The following RFX2 variants were observed in gnomAD, a reference collection of about 807,000 sequenced individuals.
The protein encoded by RFX2 is DNA-binding protein RFX2.
A neutral mutation model predicts 87.8 loss-of-function variants in RFX2; 20 were observed. That is an observed-to-expected ratio of 0.23 (90% CI 0.16 to 0.33). The LOEUF (loss-of-function observed/expected upper bound fraction) is 0.33. Ranked by LOEUF, RFX2 falls within the 10% of genes least tolerant of loss-of-function variation. The pLI is 1.00. For missense variants in RFX2, 767 were observed against 1,012.3 expected (o/e 0.76, Z 3.29); for synonymous variants, 397 against 431.3 (o/e 0.92, Z 0.98).
intron 1 of RFX2, among the ~76,000 whole-genome samples, chr19:6,079,232 G>A (rs2087741992): frequency 6.6e-6 from 1 of 152,230 alleles, no homozygotes; most frequent in African/African-American, 2.4e-5. Flanking sequence ...TTGGTCTAGA[G>A]TATGCTGTCG....
rs1473693468 is a variant in RFX2, at chr19:6,048,291, ATTTC to A, written c.-8-791_-8-788del. 2.0e-5 allele frequency among the ~76,000 whole-genome samples: 3 copies of A among 152,232 alleles called. No individual in the cohort carries two copies. The East Asian group carries it at 5.8e-4, about 29-fold the overall frequency. ...TGCCCACAAGAAAGTATAAACATAT[ATTTC>A]TTTGCTGTCAGAGGCATACATCTTT... On this transcript the variant is annotated intron_variant, in intron 1 of 17. Transcript: ENST00000303657.
intron 1 of RFX2, among the ~76,000 whole-genome samples, chr19:6,088,771 C>T (rs563007039): frequency 3.9e-5 from 6 of 152,220 alleles, no homozygotes; most frequent in Non-Finnish European, 8.8e-5. Flanking sequence ...AAGTAATGTG[C>T]GTTAGACCAG....
chr19:6,034,020 CA>C (rs2086987033), intron 5 of RFX2, among the ~76,000 whole-genome samples: 1 of 152,150 alleles, frequency 6.6e-6, no homozygotes, highest in Admixed American at 6.5e-5. Context: ...CTCTGCTATG[CA>C]GGGGCTGAGC....
rs1272090222 is a variant in RFX2, at chr19:6,004,516, G to A, written c.1403-218C>T. ...ACCCACTGCCTATGCGGGTCTCACA[G>A]GGGCGATTCTGCCCCAGGGGACACT... On this transcript the variant is annotated intron_variant, in intron 12 of 17. Coordinates refer to ENST00000303657, the MANE Select transcript of RFX2 (RefSeq NM_000635.4). This position sits in a 1 kb window ranked among gnomAD's most constrained non-coding sequence, Gnocchi z 4.8. 6.6e-6 allele frequency among the ~76,000 whole-genome samples: 1 copy of A among 152,372 alleles called. No homozygotes were observed. The highest frequency in any genetic ancestry group is 1.9e-4 in the East Asian group (1 of 5,190).
intron 1 of RFX2, among the ~76,000 whole-genome samples, chr19:6,051,370 C>T (rs1214521613): frequency 1.3e-5 from 2 of 152,066 alleles, no homozygotes; most frequent in Non-Finnish European, 2.9e-5. Flanking sequence ...TTCTCCATGA[C>T]AGTTGTAACA....
rs936862872 is a variant in RFX2 at position 6,023,509 on chromosome 19, G to T, written c.597+2654C>A. ...CTAAGTTTATTCTGCCCGTGTGTGTGGTGAACTTTTTAGAAAGATCTTATT... is the reference window on the plus strand; with the variant it reads ...CTAAGTTTATTCTGCCCGTGTGTGTTGTGAACTTTTTAGAAAGATCTTATT... On this transcript the variant is annotated intron_variant, in intron 6 of 17. Transcript: ENST00000303657. This position sits in a 1 kb window ranked among gnomAD's most constrained non-coding sequence, Gnocchi z 4.9. Among the ~76,000 whole-genome samples the T allele has an allele frequency of 3.9e-5, 6 of 152,192 alleles. No homozygotes were observed. The highest frequency in any genetic ancestry group is 1.2e-4 in the African/African-American group (5 of 41,436).
At chr19:6,043,020 G>A (rs1197233814) in intron 3 of RFX2, among the ~76,000 whole-genome samples, 3 of 152,188 alleles carry the variant, frequency 2.0e-5, no homozygotes, top group Non-Finnish European at 2.9e-5. Flanking sequence ...GCCCCTCCTT[G>A]GACCACTGAG....
Position 6,040,278 on chromosome 19 carries a change from C to T in RFX2, c.261-37G>A, listed in dbSNP as rs372087624. On this transcript the variant is annotated intron_variant, in intron 4 of 17. Transcript: ENST00000303657. The surrounding 1 kb of genome is among the most constrained non-coding windows in gnomAD (Gnocchi z 6.1). Reference sequence around the variant, plus strand: ...AGAGAAGTCACGCATGGGACGCTGTCCCATTTAAATGCCTTGTCTGAGTTC... The same window carrying T: ...AGAGAAGTCACGCATGGGACGCTGTTCCATTTAAATGCCTTGTCTGAGTTC... 214 of 1,492,692 alleles carry T rather than the reference C, an allele frequency of 1.4e-4. No individual in the cohort carries two copies. The highest frequency in any genetic ancestry group is 1.9e-4 in the Non-Finnish European group (208 of 1,116,588). The allele number at this position is 1,492,692 out of a possible 1,614,324, so 92.5% of individuals were successfully genotyped here. A position where few individuals can be genotyped will look rare whatever the true frequency, so the allele number is the denominator to read the frequency against.
chr19:6,007,193 C>A lies in RFX2; in HGVS notation c.1248-27G>T. The A allele has an allele frequency of 1.2e-6, 2 of 1,606,966 alleles. No individual in the cohort carries two copies. Among genetic ancestry groups the A allele is most frequent in the Non-Finnish European group, 1.7e-6 (2 of 1,176,086 alleles). ...TGTGGAGGGAGGGGGGACAGGTGAG[C>A]TGTGGCCTGGCCCAGGTGGGCTCAC... On this transcript the variant is annotated intron_variant, in intron 11 of 17. Transcript: ENST00000303657. This position sits in a 1 kb window ranked among gnomAD's most constrained non-coding sequence, Gnocchi z 8.2.
At chr19:6,071,539 C>G (rs1042869364) in intron 1 of RFX2, among the ~76,000 whole-genome samples, 1 of 152,134 alleles carries the variant, frequency 6.6e-6, no homozygotes. Context: ...TTATTCCATC[C>G]GTCATCTCTT....
In RFX2 at chr19:6,022,164, G is replaced by A. The variant is rs1052980055; in HGVS notation, c.597+3999C>T. ...AGGCGCAGGGGTTGTTGAGGGTGGAGGCCACGCACTGAGCTAAGACACTAA... is the reference window on the plus strand; with the variant it reads ...AGGCGCAGGGGTTGTTGAGGGTGGAAGCCACGCACTGAGCTAAGACACTAA... On this transcript the variant is annotated intron_variant, in intron 6 of 17. Transcript: ENST00000303657. The surrounding 1 kb of genome is among the most constrained non-coding windows in gnomAD (Gnocchi z 6.2). 6.6e-6 allele frequency among the ~76,000 whole-genome samples: 1 copy of A among 152,096 alleles called. No individual in the cohort carries two copies. The highest frequency in any genetic ancestry group is 2.4e-5 in the African/African-American group (1 of 41,402).
chr19:6,026,763 C>T lies in RFX2; in HGVS notation c.523-526G>A. The stretch of plus-strand genomic sequence containing the variant: ...TAGCAGCGAGGCCAAAGACTCAGAC[C>T]CTGCCACCAGGAGGCCGTAGGATCC... On this transcript the variant is annotated intron_variant, in intron 5 of 17. Coordinates refer to ENST00000303657, the MANE Select transcript of RFX2 (RefSeq NM_000635.4). The surrounding 1 kb of genome is among the most constrained non-coding windows in gnomAD (Gnocchi z 4.5). The T allele has an allele frequency of 1.2e-5, 2 of 161,586 alleles. No homozygotes were observed. Among genetic ancestry groups the T allele is most frequent in the South Asian group, 3.3e-4 (2 of 5,980 alleles). 10.0% of individuals were successfully genotyped at this position (161,586 alleles called of 1,614,324 possible).
At chr19:6,076,588 G>T (rs1218213045) in intron 1 of RFX2, among the ~76,000 whole-genome samples, 1 of 152,176 alleles carries the variant, frequency 6.6e-6, no homozygotes, top group Non-Finnish European at 1.5e-5. Flanking sequence ...TTGGGTGGTT[G>T]TGTTAAATGA....
chr19:6,002,210 C>A lies in RFX2; in HGVS notation c.1651-187G>T, dbSNP rs542100110. Among the ~76,000 whole-genome samples, 10 of 152,374 alleles carry A rather than the reference C, an allele frequency of 6.6e-5. No individual in the cohort carries two copies. Among genetic ancestry groups the A allele is most frequent in the Admixed American group, 1.3e-4 (2 of 15,310 alleles). ...GGCAGAATAGAGAGCTGAGGGGGAT[C>A]GTACCCGGCTTCCGGGGACTCATAC... On this transcript the variant is annotated intron_variant, in intron 14 of 17. Transcript: ENST00000303657. This position sits in a 1 kb window ranked among gnomAD's most constrained non-coding sequence, Gnocchi z 6.7.
chr19:6,076,659 A>G (rs1427517422), intron 1 of RFX2, among the ~76,000 whole-genome samples: 1 of 152,204 alleles, frequency 6.6e-6, no homozygotes, highest in African/African-American at 2.4e-5. Context: ...ATGCCCATAA[A>G]TGTTCATTAG....
intron 1 of RFX2, among the ~76,000 whole-genome samples, chr19:6,090,205 T>G: frequency 6.6e-6 from 1 of 151,964 alleles, no homozygotes; most frequent in South Asian, 2.1e-4. Flanking sequence ...TGAGCTCAAG[T>G]GATCTTCCTG....
chr19:6,091,294 C>T (rs961258581), intron 1 of RFX2, among the ~76,000 whole-genome samples: 3 of 152,080 alleles, frequency 2.0e-5, no homozygotes, highest in Non-Finnish European at 4.4e-5. Context: ...AGTTTGAGAC[C>T]AGCCTGGGCA....
rs576911782 is a variant in RFX2, at chr19:6,073,253, T to C, written c.-8-25749A>G. The C allele has an allele frequency of 1.0e-5, 7 of 696,762 alleles. No individual in the cohort carries two copies. The East Asian group carries it at 2.2e-4, about 22-fold the overall frequency. 43.2% of individuals were successfully genotyped at this position (696,762 alleles called of 1,614,324 possible). A position where few individuals can be genotyped will look rare whatever the true frequency, so the allele number is the denominator to read the frequency against. On this transcript the variant is annotated intron_variant, in intron 1 of 17. Coordinates refer to ENST00000303657, the MANE Select transcript of RFX2 (RefSeq NM_000635.4). ...CCTCAGCCTCCCAAAGTGCTGGGAT[T>C]ACAGACATGAGCCACCGCGCCTGCA... is the stretch of plus-strand genomic sequence containing the variant.
intron 1 of RFX2, among the ~76,000 whole-genome samples, chr19:6,097,347 A>C (rs1242811221): frequency 6.6e-6 from 1 of 152,070 alleles, no homozygotes; most frequent in Non-Finnish European, 1.5e-5. Flanking sequence ...CCCTTTCTGA[A>C]GCAACAAAGA....
Sources: gnomAD v4.1 joint callset for allele counts (sites outside exome capture counted in the v4.1 genomes callset) on GRCh38, gnomAD v4.1.1 for gene constraint, Gnocchi (gnomAD v3.1) non-coding constraint, MANE v1.5 for transcripts, NCBI Gene and HGNC (gene_info 2026-07-23, HGNC 2026-07-21) for gene names.